The following CHD7 variants were observed in gnomAD, a reference collection of about 807,000 sequenced individuals.
CHD7 encodes the protein ATP-dependent chromatin remodeler CHD7.
CHD7 carries 24 observed loss-of-function variants against 307.3 expected under a neutral mutation model. The ratio of observed to expected loss-of-function variants is 0.08; its 90% confidence interval spans 0.06 to 0.11. The LOEUF is 0.11. CHD7 is among the 10% of genes least tolerant of loss of function. The pLI, the probability that CHD7 is intolerant of heterozygous loss-of-function variation, is 1.00. For synonymous variants in CHD7, 1,363 were observed against 1,349.9 expected (o/e 1.01, Z -0.21); for missense variants, 3,106 against 3,727.1 (o/e 0.83, Z 4.34).
intron 8 of CHD7, among the ~76,000 whole-genome samples, chr8:60,817,997 C>T (rs767227442): frequency 5.9e-5 from 9 of 152,282 alleles, no homozygotes; most frequent in South Asian, 2.1e-4. Flanking sequence ...GTGCCTAGCC[C>T]TAGCTACACA....
chr8:60,780,334 GA>G (rs1811146718), intron 2 of CHD7, among the ~76,000 whole-genome samples: 1 of 152,188 alleles, frequency 6.6e-6, no homozygotes, highest in Non-Finnish European at 1.5e-5. Context: ...CTCCCTTGGT[GA>G]AATTTTGAAA....
intron 2 of CHD7, among the ~76,000 whole-genome samples, chr8:60,759,048 T>C (rs1047401271): frequency 2.0e-5 from 3 of 152,164 alleles, no homozygotes; most frequent in Non-Finnish European, 4.4e-5. Flanking sequence ...CTTAGTATAT[T>C]ATGAAAAAGT....
chr8:60,705,430 A>G (rs1044317892), intron 1 of CHD7, among the ~76,000 whole-genome samples: 8 of 152,236 alleles, frequency 5.3e-5, no homozygotes, highest in African/African-American at 1.9e-4. Context: ...CTTTCACAGT[A>G]CTCGTTTGAT....
intron 1 of CHD7, among the ~76,000 whole-genome samples, chr8:60,696,445 ATTAC>A (rs937347368): frequency 7.9e-5 from 12 of 152,172 alleles, no homozygotes; most frequent in African/African-American, 2.9e-4. Context: ...CCACAGGCCA[ATTAC>A]TTAATTGATC....
chr8:60,761,796 GATTA>G (rs1049385166), intron 2 of CHD7, among the ~76,000 whole-genome samples: 15 of 151,980 alleles, frequency 9.9e-5, no homozygotes, highest in South Asian at 6.2e-4. Context: ...TTAATAAATA[GATTA>G]ATTAATTAAT....
rs1805411493 is a variant in CHD7 at position 60,850,625 on chromosome 8, A to G, written c.5534+3A>G. ...ATGCTAGCAGATGGTGGTGACGGGT[A>G]AGAAGGACATTTTAAAATTTGAATA... On this transcript the variant is annotated splice_donor_region_variant and intron_variant, in intron 26 of 37. Coordinates refer to ENST00000423902, the MANE Select transcript of CHD7 (RefSeq NM_017780.4). 9.3e-6 allele frequency: 15 copies of G among 1,608,726 alleles called. No individual in the cohort carries two copies. The highest frequency in any genetic ancestry group is 1.3e-5 in the Non-Finnish European group (15 of 1,177,284).
In CHD7 at chr8:60,759,474, TCTCTCCCTCTCTCC is replaced by T. The variant is rs1027452654; in HGVS notation, c.1665+16389_1665+16402del. On this transcript the variant is annotated intron_variant, in intron 2 of 37. Coordinates refer to ENST00000423902, the MANE Select transcript of CHD7 (RefSeq NM_017780.4). ...CTCTCTCTCTCCCTCCCTCTCTCCC[TCTCTCCCTCTCTCC>T]CTCTCCCTCTCCCTCTCCCTCCCTC... 4.2e-5 allele frequency among the ~76,000 whole-genome samples: 6 copies of T among 144,040 alleles called. No individual in the cohort carries two copies. The East Asian group carries it at 8.8e-4, about 21-fold the overall frequency. 94.5% of individuals were successfully genotyped at this position (144,040 alleles called of 152,430 possible).
chr8:60,767,564 G>A (rs1563583226), intron 2 of CHD7, among the ~76,000 whole-genome samples: 1 of 152,230 alleles, frequency 6.6e-6, no homozygotes, highest in Non-Finnish European at 1.5e-5. Context: ...TGGCACTCTG[G>A]TGGTGGATAT....
chr8:60,817,558 CT>C (rs1803809276), intron 8 of CHD7, among the ~76,000 whole-genome samples: 1 of 152,160 alleles, frequency 6.6e-6, no homozygotes, highest in African/African-American at 2.4e-5. Context: ...ATCACTACCC[CT>C]GGCACTCTGA....
At chr8:60,825,586 G>A (rs1586396510) in intron 13 of CHD7, among the ~76,000 whole-genome samples, 1 of 152,312 alleles carries the variant, frequency 6.6e-6, no homozygotes, top group East Asian at 1.9e-4. Context: ...GTATTTGCAG[G>A]TAAACACTAA....
intron 4 of CHD7, among the ~76,000 whole-genome samples, chr8:60,799,909 T>C (rs1473233727): frequency 6.6e-6 from 1 of 152,180 alleles, no homozygotes; most frequent in Non-Finnish European, 1.5e-5. Flanking sequence ...TCCACCCATT[T>C]CTATTGTATT....
rs1805565070 is a variant in CHD7 at position 60,853,404 on chromosome 8, A to T, written c.6679A>T (p.Thr2227Ser). ...GAAAGGTGTTGAGGTCGGCGCAGACACTGGGTCCAAATCTATTTCAGAGAA... is the reference window on the plus strand; with the variant it reads ...GAAAGGTGTTGAGGTCGGCGCAGACTCTGGGTCCAAATCTATTTCAGAGAA... ...ELKGVEVGAD[T>S]GSKSISEKGS... The change falls in exon 31 of 38, where the codon ACT becomes TCT. Residue 2227 changes from threonine (T) to serine (S), a missense_variant. Physicochemically the swap from Thr to Ser is moderately conservative, Grantham distance 58. This residue lies in a region of CHD7 where 1,030 missense variants were observed against 1,165.4 expected (regional missense o/e 0.88). Coordinates refer to ENST00000423902, the MANE Select transcript of CHD7 (RefSeq NM_017780.4). The T allele has an allele frequency of 6.5e-7, 1 of 1,529,956 alleles. No individual in the cohort carries two copies. Among genetic ancestry groups the T allele is most frequent in the Non-Finnish European group, 8.8e-7 (1 of 1,142,642 alleles). 94.8% of individuals were successfully genotyped at this position (1,529,956 alleles called of 1,614,324 possible).
intron 1 of CHD7, among the ~76,000 whole-genome samples, chr8:60,682,571 A>C (rs1028940389): frequency 1.3e-5 from 2 of 152,204 alleles, no homozygotes; most frequent in Admixed American, 1.3e-4. Flanking sequence ...CTTGCCACAC[A>C]GTCACCATGC....
chr8:60,793,214 C>CT (rs1811856800), intron 3 of CHD7, among the ~76,000 whole-genome samples: 1 of 151,752 alleles, frequency 6.6e-6, no homozygotes, highest in Admixed American at 6.6e-5. Flanking sequence ...AGCGTAAACA[C>CT]TAGGACAGTT....
intron 1 of CHD7, among the ~76,000 whole-genome samples, chr8:60,705,591 A>G (rs1176916030): frequency 1.3e-5 from 2 of 152,198 alleles, no homozygotes; most frequent in Non-Finnish European, 2.9e-5. Context: ...ATTATTGCTA[A>G]CTACTTCCTG....
chr8:60,837,845 C>T lies in CHD7; in HGVS notation c.4353+10C>T, dbSNP rs765031310. The T allele has an allele frequency of 1.2e-6, 2 of 1,603,346 alleles. No individual in the cohort carries two copies. The highest frequency in any genetic ancestry group is 1.7e-6 in the Non-Finnish European group (2 of 1,173,488). ...AAATGCTACCAATGGGGTAAAACCA[C>T]CCTTGCCCAAACCATTTATTTATTC... On this transcript the variant is annotated intron_variant, in intron 18 of 37. Coordinates refer to ENST00000423902, the MANE Select transcript of CHD7 (RefSeq NM_017780.4).
rs756839375 is a variant in CHD7, at chr8:60,865,413, G to T, written c.8474G>T (p.Gly2825Val). The T allele has an allele frequency of 3.1e-6, 5 of 1,613,834 alleles. No homozygotes were observed. In the South Asian group the frequency reaches 4.4e-5, roughly 14 times the overall value. ...LLNNPLSAAT[G>V]NTTTASSQGE... ...AATAACCCTCTGTCAGCTGCTACTG[G>T]AAACACCACTACTGCTTCTAGTCAA... is the stretch of plus-strand genomic sequence containing the variant. The change falls in exon 38 of 38, where the codon GGA becomes GTA. Residue 2825 changes from glycine (G) to valine (V), a missense_variant. Coordinates refer to ENST00000423902, the MANE Select transcript of CHD7 (RefSeq NM_017780.4). This position sits in a 1 kb window ranked among gnomAD's most constrained non-coding sequence, Gnocchi z 4.3.
chr8:60,693,816 T>C (rs1220522539), intron 1 of CHD7, among the ~76,000 whole-genome samples: 10 of 152,242 alleles, frequency 6.6e-5, no homozygotes, highest in Admixed American at 6.5e-4. Context: ...CGAGGGAAAG[T>C]GATCCAACTA....
intron 2 of CHD7, among the ~76,000 whole-genome samples, chr8:60,762,018 C>T (rs1434049716): frequency 1.3e-5 from 2 of 152,130 alleles, no homozygotes; most frequent in African/African-American, 4.8e-5. Flanking sequence ...CTCTTTACTT[C>T]CTTTCCAATT....
Sources: allele counts gnomAD v4.1 joint callset (sites outside exome capture counted in the v4.1 genomes callset), GRCh38; gene constraint gnomAD v4.1.1; regional missense constraint gnomAD v4.1.1; non-coding constraint Gnocchi (gnomAD v3.1); transcripts MANE v1.5; gene names NCBI Gene and HGNC (gene_info 2026-07-23, HGNC 2026-07-21).